The following CACNA2D1 variants were observed in gnomAD, a reference collection of about 807,000 sequenced individuals.
CACNA2D1 encodes voltage-dependent calcium channel subunit alpha-2/delta-1.
A neutral mutation model predicts 171.5 loss-of-function variants in CACNA2D1; 53 were observed. The observed-to-expected ratio is 0.31, with a 90% CI of 0.25 to 0.39. The LOEUF is 0.39. CACNA2D1 is among the 10% of genes least tolerant of loss of function. The pLI is 1.00. For missense variants in CACNA2D1, 903 were observed against 1,299.8 expected (o/e 0.69, Z 4.69); for synonymous variants, 442 against 443.1 (o/e 1.00, Z 0.03).
At chr7:81,991,351 C>A in intron 20 of CACNA2D1, 105 bp from the exon 21 acceptor site, 1 of 704,540 alleles carries the variant, frequency 1.4e-6, no homozygotes, top group Non-Finnish European at 2.6e-6. Flanking sequence ...TCATTTAATA[C>A]TCATCTTTAC....
At chr7:82,074,601 T>C (rs1010559779) in intron 7 of CACNA2D1, among the ~76,000 whole-genome samples, 1 of 152,144 alleles carries the variant, frequency 6.6e-6, no homozygotes, top group African/African-American at 2.4e-5. Context: ...AAGTTTTCCT[T>C]TTCATCCACC....
chr7:82,329,391 A>G (rs556062120), intron 3 of CACNA2D1, among the ~76,000 whole-genome samples: 1 of 152,254 alleles, frequency 6.6e-6, no homozygotes, highest in East Asian at 1.9e-4. Flanking sequence ...ATGTCACCAG[A>G]AAAATTTGTT....
chr7:81,986,311 T>C (rs182661900), intron 21 of CACNA2D1, among the ~76,000 whole-genome samples: 131 of 152,256 alleles, frequency 8.6e-4, no homozygotes, highest in African/African-American at 3.0e-3. Context: ...CAGGAAAAGG[T>C]GTGTATATCT....
chr7:82,398,335 C>T (rs903981978), intron 1 of CACNA2D1, among the ~76,000 whole-genome samples: 1 of 152,190 alleles, frequency 6.6e-6, no homozygotes, highest in Non-Finnish European at 1.5e-5. Context: ...AGACAAACAT[C>T]ATTCCATTCA....
chr7:82,120,189 G>A (rs909486635), intron 5 of CACNA2D1, among the ~76,000 whole-genome samples: 4 of 152,088 alleles, frequency 2.6e-5, no homozygotes, highest in South Asian at 2.1e-4. Context: ...ACGCACGCAC[G>A]TGTGTCTGTG....
intron 5 of CACNA2D1, among the ~76,000 whole-genome samples, chr7:82,130,397 G>T (rs1472094231): frequency 6.6e-6 from 1 of 152,004 alleles, no homozygotes; most frequent in African/African-American, 2.4e-5. Flanking sequence ...AGTAATAAGT[G>T]ACAAAGATCT....
intron 3 of CACNA2D1, among the ~76,000 whole-genome samples, chr7:82,190,132 G>A (rs1294636322): frequency 6.6e-6 from 1 of 151,788 alleles, no homozygotes; most frequent in Non-Finnish European, 1.5e-5. Context: ...GTTGTTACGA[G>A]TCAGAGAAGC....
chr7:82,358,780 T>C (rs1381069584), intron 1 of CACNA2D1, among the ~76,000 whole-genome samples: 2 of 152,126 alleles, frequency 1.3e-5, no homozygotes, highest in Admixed American at 6.6e-5. Flanking sequence ...AGATCTACTT[T>C]TGTTCATAAG....
intron 10 of CACNA2D1, among the ~76,000 whole-genome samples, chr7:82,053,112 C>T (rs1032396830): frequency 2.0e-5 from 3 of 151,876 alleles, no homozygotes. Flanking sequence ...AGTAGCCGGG[C>T]GTGGTGGCGG....
chr7:82,194,206 G>C (rs1256954111), intron 3 of CACNA2D1, among the ~76,000 whole-genome samples: 1 of 151,948 alleles, frequency 6.6e-6, no homozygotes, highest in East Asian at 1.9e-4. Context: ...GCTCCGTAGG[G>C]CTGGGTTATC....
chr7:82,106,178 A>G (rs76566133), intron 6 of CACNA2D1, among the ~76,000 whole-genome samples: 4,429 of 152,268 alleles, frequency 0.029, 123 homozygotes, highest in African/African-American at 0.064. Flanking sequence ...AATTTTAGAA[A>G]TATCTTTTAA....
intron 5 of CACNA2D1, among the ~76,000 whole-genome samples, chr7:82,121,018 G>T (rs917955089): frequency 1.3e-5 from 2 of 151,984 alleles, no homozygotes; most frequent in African/African-American, 4.8e-5. Flanking sequence ...TTGTTACCAG[G>T]TCTGACTCAC....
At chr7:82,332,399 G>A (rs1488458663) in intron 3 of CACNA2D1, among the ~76,000 whole-genome samples, 1 of 151,768 alleles carries the variant, frequency 6.6e-6, no homozygotes, top group Non-Finnish European at 1.5e-5. Flanking sequence ...CTAGCAACAT[G>A]GTGTAACAAA....
chr7:82,019,318 C>CAAAACAA (rs955023174), intron 12 of CACNA2D1, among the ~76,000 whole-genome samples: 4 of 151,676 alleles, frequency 2.6e-5, no homozygotes, highest in Admixed American at 2.0e-4. Context: ...GACTCCGTCT[C>CAAAACAA]AAAACAAAAA....
chr7:81,970,015 CT>C, intron 27 of CACNA2D1, 31 bp from the exon 28 acceptor site: 1 of 1,246,270 alleles, frequency 8.0e-7, no homozygotes. Flanking sequence ...CATTTGTATT[CT>C]TTAATCTACC....
At chr7:82,200,783 G>T (rs1303609083) in intron 3 of CACNA2D1, among the ~76,000 whole-genome samples, 2 of 152,136 alleles carry the variant, frequency 1.3e-5, no homozygotes, top group African/African-American at 2.4e-5. Flanking sequence ...CAGGAGAAAT[G>T]ATATGTGTGA....
chr7:82,182,562 G>GT (rs953526809), intron 3 of CACNA2D1, among the ~76,000 whole-genome samples: 227 of 147,478 alleles, frequency 1.5e-3, no homozygotes, highest in African/African-American at 4.4e-3. Flanking sequence ...TTTTTTCTGC[G>GT]TTTTTTTTTT....
chr7:82,305,962 A>G (rs1047259485), intron 3 of CACNA2D1, among the ~76,000 whole-genome samples: 2 of 152,174 alleles, frequency 1.3e-5, no homozygotes, highest in African/African-American at 2.4e-5. Context: ...CCAATTGAGC[A>G]GATAGTGACA....
At chr7:82,037,345 G>A (rs1803408078) in intron 11 of CACNA2D1, among the ~76,000 whole-genome samples, 1 of 152,158 alleles carries the variant, frequency 6.6e-6, no homozygotes, top group Non-Finnish European at 1.5e-5. Flanking sequence ...TGGGCATGGT[G>A]GCGGGTGCCT....
Sources: gnomAD v4.1 joint callset for allele counts (sites outside exome capture counted in the v4.1 genomes callset) on GRCh38, gnomAD v4.1.1 for gene constraint, MANE v1.5 for transcripts, NCBI Gene and HGNC (gene_info 2026-07-23, HGNC 2026-07-21) for gene names.